The following HTRA3 variants were observed in gnomAD, a reference collection of about 807,000 sequenced individuals.
HTRA3 encodes serine protease HTRA3.
Under a neutral mutation model 43.2 loss-of-function variants are expected in HTRA3, and 41 were observed. That is an observed-to-expected ratio of 0.95 (90% CI 0.74 to 1.23). The LOEUF (loss-of-function observed/expected upper bound fraction) is 1.23. HTRA3 is among the 50% of genes most tolerant of loss of function. HTRA3 has a pLI of 0.00. For missense variants in HTRA3, 628 were observed against 647.1 expected, an observed-to-expected ratio of 0.97 and a Z score of 0.32; for synonymous variants, 295 against 287.9, an observed-to-expected ratio of 1.02 and a Z score of -0.25.
chr4:8,300,295 T>C (rs945963998), intron 6 of HTRA3, among the ~76,000 whole-genome samples: 4 of 152,242 alleles, frequency 2.6e-5, no homozygotes. Flanking sequence ...CTGGAGGAGT[T>C]TGTATAGAAT....
chr4:8,290,804 G>T (rs527620694), intron 3 of HTRA3, among the ~76,000 whole-genome samples: 1 of 152,332 alleles, frequency 6.6e-6, no homozygotes, highest in African/African-American at 2.4e-5. Context: ...GGGGTGTGCA[G>T]GTGTCTCAGT....
chr4:8,304,649 T>TGTGTG (rs200394663), intron 8 of HTRA3, among the ~76,000 whole-genome samples: 2 of 119,032 alleles, frequency 1.7e-5, no homozygotes, highest in African/African-American at 3.6e-5. Context: ...TATTGTTTTT[T>TGTGTG]TTTTTTTTTT....
At chr4:8,290,798 T>C (rs1173024350) in intron 3 of HTRA3, among the ~76,000 whole-genome samples, 1 of 152,012 alleles carries the variant, frequency 6.6e-6, no homozygotes, top group Non-Finnish European at 1.5e-5. Flanking sequence ...AGAAGAGGGG[T>C]GTGCAGGTGT....
chr4:8,285,716 G>T (rs1343997659), intron 2 of HTRA3, among the ~76,000 whole-genome samples: 1 of 152,226 alleles, frequency 6.6e-6, no homozygotes, highest in Non-Finnish European at 1.5e-5. Flanking sequence ...ACTGGGGATT[G>T]TTGCCCATCG....
intron 1 of HTRA3, among the ~76,000 whole-genome samples, chr4:8,278,390 GA>G (rs137976560): frequency 0.34 from 42,578 of 125,626 alleles, 7,042 homozygotes; most frequent in Non-Finnish European, 0.42. Context: ...GTTTATTGAG[GA>G]AAAAAAAAAA....
intron 1 of HTRA3, among the ~76,000 whole-genome samples, chr4:8,277,825 C>A (rs184810447): frequency 6.6e-6 from 1 of 152,344 alleles, no homozygotes; most frequent in East Asian, 1.9e-4. Context: ...TGGCTATCCA[C>A]TCATGGCTCC....
intron 1 of HTRA3, among the ~76,000 whole-genome samples, chr4:8,281,960 C>T (rs570179594): frequency 2.7e-4 from 41 of 152,322 alleles, no homozygotes; most frequent in South Asian, 8.3e-4. Flanking sequence ...ACTACACCCC[C>T]GCCTGGACAC....
intron 1 of HTRA3, among the ~76,000 whole-genome samples, chr4:8,281,224 C>T (rs766321827): frequency 2.6e-5 from 4 of 152,214 alleles, no homozygotes; most frequent in African/African-American, 4.8e-5. Flanking sequence ...CACCATGGTA[C>T]CTTCGTGCCT....
intron 2 of HTRA3, among the ~76,000 whole-genome samples, chr4:8,284,268 A>C (rs1443572461): frequency 6.6e-6 from 1 of 152,190 alleles, no homozygotes; most frequent in African/African-American, 2.4e-5. Flanking sequence ...CATGTCATTG[A>C]GGAAATTATA....
At chr4:8,304,837 T>G (rs191488825) in intron 8 of HTRA3, among the ~76,000 whole-genome samples, 1 of 152,032 alleles carries the variant, frequency 6.6e-6, no homozygotes, top group African/African-American at 2.4e-5. Flanking sequence ...TTTTGTATTT[T>G]TAGTAGAGAA....
At position 8,296,666 on chromosome 4, in the gene HTRA3, G is replaced by T. The variant is rs1299069537; in HGVS notation, c.1051+2465G>T. On this transcript the variant is annotated intron_variant, in intron 6 of 8. Coordinates refer to ENST00000307358, the MANE Select transcript of HTRA3 (RefSeq NM_053044.5). The surrounding 1 kb of genome is among the most constrained non-coding windows in gnomAD (Gnocchi z 5.3). ...GGGTCCAGCCAGCCTTAGGACCAGA[G>T]AGTAGCCCCACATGGGGTGGTGTGG... Among the ~76,000 whole-genome samples, 1 of 152,218 alleles carries T rather than the reference G, an allele frequency of 6.6e-6. No homozygotes were observed. The highest frequency in any genetic ancestry group is 6.5e-5 in the Admixed American group (1 of 15,286).
chr4:8,300,844 CTT>C (rs1300370111), intron 6 of HTRA3, among the ~76,000 whole-genome samples: 1 of 150,634 alleles, frequency 6.6e-6, no homozygotes, highest in Non-Finnish European at 1.5e-5. Context: ...TAGATTCACA[CTT>C]TATTACTGAC....
In HTRA3 at chr4:8,297,023, G is replaced by T; in HGVS notation, c.1051+2822G>T. Among the ~76,000 whole-genome samples, 1 of 152,046 alleles carries T rather than the reference G, an allele frequency of 6.6e-6. No homozygotes were observed. The highest frequency in any genetic ancestry group is 1.9e-4 in the East Asian group (1 of 5,166). Reference sequence around the variant, plus strand: ...TTTCCCTGGTCTCAGAGTTCACAGGGTTCCCCAGCCTCAGAGGTCACAGGG... The same window carrying T: ...TTTCCCTGGTCTCAGAGTTCACAGGTTTCCCCAGCCTCAGAGGTCACAGGG... On this transcript the variant is annotated intron_variant, in intron 6 of 8. Transcript: ENST00000307358. The surrounding 1 kb of genome is among the most constrained non-coding windows in gnomAD (Gnocchi z 5.8).
intron 2 of HTRA3, among the ~76,000 whole-genome samples, chr4:8,283,762 C>T (rs1712849676): frequency 1.3e-5 from 2 of 152,172 alleles, no homozygotes; most frequent in East Asian, 1.9e-4. Context: ...CAGGGACTTG[C>T]TTGTTTTCAC....
At chr4:8,280,378 G>T (rs767739809) in intron 1 of HTRA3, among the ~76,000 whole-genome samples, 3 of 152,122 alleles carry the variant, frequency 2.0e-5, no homozygotes, top group Non-Finnish European at 2.9e-5. Flanking sequence ...GGGTCTGAGC[G>T]CATCTTGTGA....
rs1433218193 is a variant in HTRA3 at position 8,286,005 on chromosome 4, G to C, written c.486-556G>C. 6.6e-6 allele frequency among the ~76,000 whole-genome samples: 1 copy of C among 152,218 alleles called. No homozygotes were observed. The highest frequency in any genetic ancestry group is 1.5e-5 in the Non-Finnish European group (1 of 68,030). ...GCCTCTGGGGAGCCTCCCTTCCTGG[G>C]TACCTGCTGCAGCCCTGCAGGATGC... is the stretch of plus-strand genomic sequence containing the variant. On this transcript the variant is annotated intron_variant, in intron 2 of 8. Transcript: ENST00000307358. The surrounding 1 kb of genome is among the most constrained non-coding windows in gnomAD (Gnocchi z 4.9).
chr4:8,296,522 C>G lies in HTRA3; in HGVS notation c.1051+2321C>G. 1.0e-6 allele frequency: 1 copy of G among 985,082 alleles called. No homozygotes were observed. Among genetic ancestry groups the G allele is most frequent in the Non-Finnish European group, 1.2e-6 (1 of 829,692 alleles). The allele number at this position is 985,082 out of a possible 1,614,324, so 61.0% of individuals were successfully genotyped here. A position where few individuals can be genotyped will look rare whatever the true frequency, so the allele number is the denominator to read the frequency against. On this transcript the variant is annotated intron_variant, in intron 6 of 8. Transcript: ENST00000307358. This position sits in a 1 kb window ranked among gnomAD's most constrained non-coding sequence, Gnocchi z 5.3. ...GAAATGAACCATCTTTTTATTAAAT[C>G]AAGGAGATGTTAAGTGCATTTATTA...
At chr4:8,300,508 T>C (rs1713597842) in intron 6 of HTRA3, among the ~76,000 whole-genome samples, 1 of 152,240 alleles carries the variant, frequency 6.6e-6, no homozygotes, top group Non-Finnish European at 1.5e-5. Flanking sequence ...GTGATTAAAT[T>C]CATTGACATC....
At chr4:8,283,626 G>A (rs555895207) in intron 2 of HTRA3, among the ~76,000 whole-genome samples, 3 of 152,210 alleles carry the variant, frequency 2.0e-5, no homozygotes, top group Admixed American at 6.5e-5. Context: ...GCACAGAGCC[G>A]GCAAACAGCC....
Sources: gnomAD v4.1 joint callset for allele counts (sites outside exome capture counted in the v4.1 genomes callset) on GRCh38, gnomAD v4.1.1 for gene constraint, Gnocchi (gnomAD v3.1) non-coding constraint, MANE v1.5 for transcripts, NCBI Gene and HGNC (gene_info 2026-07-23, HGNC 2026-07-21) for gene names.